Variants in FGL2 observed in about 807,000 individuals in gnomAD.
FGL2 encodes fibroleukin.
FGL2 carries 21 observed loss-of-function variants against 36.0 expected under a neutral mutation model. That is an observed-to-expected ratio of 0.58 (90% CI 0.41 to 0.84). FGL2 has a LOEUF of 0.84. Among genes scored for constraint, FGL2 ranks in the 40% least tolerant of loss-of-function variants. The pLI is 0.00. For synonymous variants in FGL2, 183 were observed against 190.7 expected (o/e 0.96, Z 0.33); for missense variants, 444 against 526.3 (o/e 0.84, Z 1.53).
chr7:77,196,589 C>A lies in FGL2; in HGVS notation c.1010G>T (p.Gly337Val). 6.2e-7 allele frequency: 1 copy of A among 1,614,070 alleles called. No individual in the cohort carries two copies. The highest frequency in any genetic ancestry group is 8.5e-7 in the Non-Finnish European group (1 of 1,179,978). ...KYRLHVGNYN[G>V]TAGDALRFNK... Reference sequence around the variant, plus strand: ...GAAACGTAATGCATCTCCAGCTGTGCCATTATAGTTACCAACGTGTAAACG... The same window carrying A: ...GAAACGTAATGCATCTCCAGCTGTGACATTATAGTTACCAACGTGTAAACG... The change falls in exon 2 of 2, where the codon GGC becomes GTC. Residue 337 changes from glycine (G) to valine (V), a missense_variant. Coordinates refer to ENST00000248598, the MANE Select transcript of FGL2 (RefSeq NM_006682.3). This position sits in a 1 kb window ranked among gnomAD's most constrained non-coding sequence, Gnocchi z 4.2.
At position 77,199,656 on chromosome 7, in the gene FGL2, T is replaced by C. The variant is rs1168817940; in HGVS notation, c.138A>G (p.Arg46=). ...ACTCCCCTGCCTCTTCGCATTTCCC[T>C]CTGCTTTCTAGTCTCACTGGGCAGA... ...KDVCPVRLES[R]GKCEEAGECP... is the part of the protein sequence containing the mutation. The change falls in exon 1 of 2, where the codon AGA becomes AGG. Residue 46 remains arginine, a synonymous_variant. Transcript: ENST00000248598. 1 of 1,614,128 alleles carries C rather than the reference T, an allele frequency of 6.2e-7. No individual in the cohort carries two copies. Among genetic ancestry groups the C allele is most frequent in the Admixed American group, 1.7e-5 (1 of 60,008 alleles).
chr7:77,199,561 ACCT>A lies in FGL2; in HGVS notation c.230_232del (p.Glu77del). On this transcript the variant is annotated inframe_deletion, in exon 1 of 2. Coordinates refer to ENST00000248598, the MANE Select transcript of FGL2 (RefSeq NM_006682.3). Reference sequence around the variant, plus strand: ...CTTGAGGTTTTGGACTTCTTTGAACACCTCCTCGATCCTGCTGAATTGCTTCGG... The same window carrying A: ...CTTGAGGTTTTGGACTTCTTTGAACACCTCGATCCTGCTGAATTGCTTCGG... 1 of 1,613,868 alleles carries A rather than the reference ACCT, an allele frequency of 6.2e-7. No homozygotes were observed. Among genetic ancestry groups the A allele is most frequent in the Non-Finnish European group, 8.5e-7 (1 of 1,179,978 alleles).
In FGL2 at chr7:77,196,583, G is replaced by A; in HGVS notation, c.1016C>T (p.Ala339Val). 6.2e-7 allele frequency: 1 copy of A among 1,614,108 alleles called. No homozygotes were observed. Among genetic ancestry groups the A allele is most frequent in the Non-Finnish European group, 8.5e-7 (1 of 1,179,996 alleles). The change falls in exon 2 of 2, where the codon GCT (alanine) becomes GTT (valine). Residue 339 changes from alanine (A) to valine (V), a missense_variant. Ala to Val is a moderately conservative substitution (Grantham distance 64, BLOSUM62 0). Transcript: ENST00000248598. The surrounding 1 kb of genome is among the most constrained non-coding windows in gnomAD (Gnocchi z 4.2). ...RLHVGNYNGT[A>V]GDALRFNKHY... The stretch of plus-strand genomic sequence containing the variant: ...TTTGTTGAAACGTAATGCATCTCCA[G>A]CTGTGCCATTATAGTTACCAACGTG...
rs1407450399 is a variant in FGL2, at chr7:77,199,503, T to A, written c.291A>T (p.Gln97His). Reference sequence around the variant, plus strand: ...TGTCATCAGCCTGCAGCTTGCAGTCTTGGCAAGATTTCTTTAGACTATTTA... The same window carrying A: ...TGTCATCAGCCTGCAGCTTGCAGTCATGGCAAGATTTCTTTAGACTATTTA... ...EIVNSLKKSC[Q>H]DCKLQADDNG... The change falls in exon 1 of 2, where the codon CAA becomes CAT. Residue 97 changes from glutamine (Q) to histidine (H), a missense_variant. Transcript: ENST00000248598. 6.8e-6 allele frequency: 11 copies of A among 1,614,032 alleles called. No individual in the cohort carries two copies. The highest frequency in any genetic ancestry group is 9.3e-6 in the Non-Finnish European group (11 of 1,180,016).
Position 77,195,631 on chromosome 7 carries a change from G to A in FGL2, c.*648C>T, listed in dbSNP as rs1300773541. The A allele has an allele frequency of 1.3e-5, 2 of 152,004 alleles. No individual in the cohort carries two copies. The highest frequency in any genetic ancestry group is 4.8e-5 in the African/African-American group (2 of 41,362). 9.4% of individuals were successfully genotyped at this position (152,004 alleles called of 1,614,324 possible). ...TCATGGCCCAAATACAGATTACTTT[G>A]TGTAGAATCCAGCCTACTGAATAAA... On this transcript the variant is annotated 3_prime_UTR_variant, in exon 2 of 2. Transcript: ENST00000248598.
rs1406407724 is a variant in FGL2 at position 77,195,960 on chromosome 7, A to G, written c.*319T>C. The G allele has an allele frequency of 4.2e-6, 1 of 239,514 alleles. No homozygotes were observed. The highest frequency in any genetic ancestry group is 9.3e-5 in the East Asian group (1 of 10,788). 14.8% of individuals were successfully genotyped at this position (239,514 alleles called of 1,614,324 possible). The stretch of plus-strand genomic sequence containing the variant: ...GCGTGAGCTACCACACCCAGCCAAC[A>G]ATTATTTTTTAAATACAGCAAGTAA... On this transcript the variant is annotated 3_prime_UTR_variant, in exon 2 of 2. Coordinates refer to ENST00000248598, the MANE Select transcript of FGL2 (RefSeq NM_006682.3).
chr7:77,194,943 A>G lies in FGL2; in HGVS notation c.*1336T>C, dbSNP rs1791837683. The G allele has an allele frequency of 6.6e-6, 1 of 152,148 alleles. No individual in the cohort carries two copies. Among genetic ancestry groups the G allele is most frequent in the Non-Finnish European group, 1.5e-5 (1 of 68,000 alleles). The allele number at this position is 152,148 out of a possible 1,614,324, so 9.4% of individuals were successfully genotyped here. On this transcript the variant is annotated 3_prime_UTR_variant, in exon 2 of 2. Transcript: ENST00000248598. Reference sequence around the variant, plus strand: ...CTGTTTGGGTAAAAATCTATCTTTTAGTTTCTGATAGTAAAATAAGCAATC... The same window carrying G: ...CTGTTTGGGTAAAAATCTATCTTTTGGTTTCTGATAGTAAAATAAGCAATC...
chr7:77,199,808 T>A lies in FGL2; in HGVS notation c.-15A>T. The A allele has an allele frequency of 6.2e-7, 1 of 1,610,070 alleles. No homozygotes were observed. The highest frequency in any genetic ancestry group is 8.5e-7 in the Non-Finnish European group (1 of 1,177,446). ...GCCAGCTTCATCTTTACAGTGCTGCTCACCCCAGCAGGGAGTGCGCAGGGC... is the reference window on the plus strand; with the variant it reads ...GCCAGCTTCATCTTTACAGTGCTGCACACCCCAGCAGGGAGTGCGCAGGGC... On this transcript the variant is annotated 5_prime_UTR_variant, in exon 1 of 2. Transcript: ENST00000248598.
At position 77,193,844 on chromosome 7, in the gene FGL2, A is replaced by T. The variant is rs1791815608; in HGVS notation, c.*2435T>A. On this transcript the variant is annotated 3_prime_UTR_variant, in exon 2 of 2. Coordinates refer to ENST00000248598, the MANE Select transcript of FGL2 (RefSeq NM_006682.3). ...AAAATGGAACCAAGACAAGATTCTA[A>T]TGTTTGTAAACAGTCAATCCATATT... The T allele has an allele frequency of 1.3e-5, 2 of 152,588 alleles. No individual in the cohort carries two copies. The highest frequency in any genetic ancestry group is 2.9e-5 in the Non-Finnish European group (2 of 67,978). The allele number at this position is 152,588 out of a possible 1,614,324, so 9.5% of individuals were successfully genotyped here. A position where few individuals can be genotyped will look rare whatever the true frequency, so the allele number is the denominator to read the frequency against.
rs375874418 is a variant in FGL2 at position 77,199,420 on chromosome 7, A to T, written c.374T>A (p.Val125Asp). The T allele has an allele frequency of 6.2e-7, 1 of 1,613,182 alleles. No homozygotes were observed. Among genetic ancestry groups the T allele is most frequent in the African/African-American group, 1.3e-5 (1 of 74,594 alleles). ...TAATTCTCTAACTCTGTTATCACCA[A>T]CCTCTCCCGGGGCTCCTGTACTGGG... is the stretch of plus-strand genomic sequence containing the variant. ...LLPSTGAPGE[V>D]GDNRVRELES... Residue 125 changes from valine to aspartate, a missense_variant, in exon 1 of 2, where the codon GTT (valine) becomes GAT (aspartate). Coordinates refer to ENST00000248598, the MANE Select transcript of FGL2 (RefSeq NM_006682.3).
intron 1 of FGL2, chr7:77,198,420 T>C: frequency 2.1e-6 from 1 of 484,350 alleles, no homozygotes; most frequent in Non-Finnish European, 2.7e-6. Context: ...GGAGAGTCAA[T>C]ACCACTGTTA....
chr7:77,196,418 T>C lies in FGL2; in HGVS notation c.1181A>G (p.Tyr394Cys). The C allele has an allele frequency of 6.2e-7, 1 of 1,614,164 alleles. No homozygotes were observed. Among genetic ancestry groups the C allele is most frequent in the South Asian group, 1.1e-5 (1 of 91,088 alleles). ...ACGGACACCTCTGTATTTTTGGTGATAATATTTGCCATTTAAGTTTGCAGA... is the reference window on the plus strand; with the variant it reads ...ACGGACACCTCTGTATTTTTGGTGACAATATTTGCCATTTAAGTTTGCAGA... ...CLSANLNGKYYHQKYRGVRNG... is the reference protein window; with the variant it reads ...CLSANLNGKYCHQKYRGVRNG... The change falls in exon 2 of 2, where the codon TAT (tyrosine) becomes TGT (cysteine). Residue 394 changes from tyrosine (Y) to cysteine (C), a missense_variant. Coordinates refer to ENST00000248598, the MANE Select transcript of FGL2 (RefSeq NM_006682.3). This position sits in a 1 kb window ranked among gnomAD's most constrained non-coding sequence, Gnocchi z 4.2.
rs1322566321 is a variant in FGL2 at position 77,199,591 on chromosome 7, A to T, written c.203T>A (p.Leu68His). 4 of 1,614,012 alleles carry T rather than the reference A, an allele frequency of 2.5e-6. No homozygotes were observed. Among genetic ancestry groups the T allele is most frequent in the Non-Finnish European group, 3.4e-6 (4 of 1,180,002 alleles). The change falls in exon 1 of 2, where the codon CTC becomes CAC. Residue 68 changes from leucine to histidine, a missense_variant. Coordinates refer to ENST00000248598, the MANE Select transcript of FGL2 (RefSeq NM_006682.3). ...CTCGATCCTGCTGAATTGCTTCGGGAGCTGAATAGTCAAGGGGGGCAGGCT... is the reference window on the plus strand; with the variant it reads ...CTCGATCCTGCTGAATTGCTTCGGGTGCTGAATAGTCAAGGGGGGCAGGCT... ...QVSLPPLTIQ[L>H]PKQFSRIEEV... is the part of the protein sequence containing the mutation.
intron 1 of FGL2, among the ~76,000 whole-genome samples, chr7:77,197,612 A>G (rs1219275449): frequency 2.0e-5 from 3 of 152,258 alleles, no homozygotes; most frequent in Admixed American, 2.0e-4. Flanking sequence ...AGGGGCTGAT[A>G]GCCTCTACTG....
Position 77,195,030 on chromosome 7 carries a change from GT to G in FGL2, c.*1248del, listed in dbSNP as rs2150428819. 1 of 152,154 alleles carries G rather than the reference GT, an allele frequency of 6.6e-6. No homozygotes were observed. The highest frequency in any genetic ancestry group is 2.1e-4 in the South Asian group (1 of 4,820). 9.4% of individuals were successfully genotyped at this position (152,154 alleles called of 1,614,324 possible). A position where few individuals can be genotyped will look rare whatever the true frequency, so the allele number is the denominator to read the frequency against. ...CTGTTCTATATATTTCAAAATTCATGTTTTCTATCTGTCCTAGAGAAACTTA... is the reference window on the plus strand; with the variant it reads ...CTGTTCTATATATTTCAAAATTCATGTTTCTATCTGTCCTAGAGAAACTTA... On this transcript the variant is annotated 3_prime_UTR_variant, in exon 2 of 2. Transcript: ENST00000248598.
intron 1 of FGL2, chr7:77,198,660 A>G (rs976469066): frequency 6.5e-6 from 1 of 153,930 alleles, no homozygotes; most frequent in Non-Finnish European, 1.4e-5. Flanking sequence ...GTGCACACAT[A>G]TGAAACTGCT....
chr7:77,199,747 G>C lies in FGL2; in HGVS notation c.47C>G (p.Thr16Ser). 10 of 1,614,098 alleles carry C rather than the reference G, an allele frequency of 6.2e-6. No individual in the cohort carries two copies. The highest frequency in any genetic ancestry group is 8.5e-6 in the Non-Finnish European group (10 of 1,180,002). Reference protein sequence around the residue: ...WYWLSSAVLATYGFLVVANNE... With the variant: ...WYWLSSAVLASYGFLVVANNE... The stretch of plus-strand genomic sequence containing the variant: ...GTTTGCCACAACCAAAAAACCGTAA[G>C]TGGCAAGAACAGCTGAGCTCAGCCA... Residue 16 changes from threonine (T) to serine (S), a missense_variant, in exon 1 of 2, where the codon ACT becomes AGT. Physicochemically the swap from Thr to Ser is moderately conservative, Grantham distance 58 (BLOSUM62 1). Transcript: ENST00000248598.
In FGL2 at chr7:77,196,157, A is replaced by G; in HGVS notation, c.*122T>C. 1 of 695,858 alleles carries G rather than the reference A, an allele frequency of 1.4e-6. No homozygotes were observed. Among genetic ancestry groups the G allele is most frequent in the Non-Finnish European group, 2.4e-6 (1 of 423,424 alleles). The allele number at this position is 695,858 out of a possible 1,614,324, so 43.1% of individuals were successfully genotyped here. On this transcript the variant is annotated 3_prime_UTR_variant, in exon 2 of 2. Coordinates refer to ENST00000248598, the MANE Select transcript of FGL2 (RefSeq NM_006682.3). This position sits in a 1 kb window ranked among gnomAD's most constrained non-coding sequence, Gnocchi z 4.2. ...TATTTCAAATGCTGTGTAGCATAAG[A>G]ACCTAGCCGTCAGACATCATTTTTT...
Position 77,199,802 on chromosome 7 carries a change from T to A in FGL2, c.-9A>T, listed in dbSNP as rs1791952000. ...CAGTTAGCCAGCTTCATCTTTACAG[T>A]GCTGCTCACCCCAGCAGGGAGTGCG... is the stretch of plus-strand genomic sequence containing the variant. On this transcript the variant is annotated 5_prime_UTR_variant, in exon 1 of 2. Coordinates refer to ENST00000248598, the MANE Select transcript of FGL2 (RefSeq NM_006682.3). 6.2e-7 allele frequency: 1 copy of A among 1,611,694 alleles called. No homozygotes were observed. The highest frequency in any genetic ancestry group is 8.5e-7 in the Non-Finnish European group (1 of 1,178,512).
Sources: gnomAD v4.1 joint callset for allele counts (sites outside exome capture counted in the v4.1 genomes callset) on GRCh38, gnomAD v4.1.1 for gene constraint, Gnocchi (gnomAD v3.1) non-coding constraint, MANE v1.5 for transcripts, NCBI Gene and HGNC (gene_info 2026-07-23, HGNC 2026-07-21) for gene names.